Variants in DERL2 observed in about 807,000 individuals in gnomAD.
The protein encoded by DERL2 is derlin 2.
In DERL2, 13 loss-of-function variants were observed where a neutral mutation model predicts 32.0. That is an observed-to-expected ratio of 0.41 (90% CI 0.26 to 0.65). The LOEUF is 0.65. Ranked by LOEUF, DERL2 falls within the 30% of genes least tolerant of loss-of-function variation. DERL2 has a pLI of 0.35. For missense variants in DERL2, 208 were observed against 296.3 expected (o/e 0.70, Z 2.19); for synonymous variants, 111 against 104.7 (o/e 1.06, Z -0.37).
chr17:5,478,851 A>G (rs1356175242), intron 6 of DERL2, among the ~76,000 whole-genome samples: 1 of 152,298 alleles, frequency 6.6e-6, no homozygotes, highest in East Asian at 1.9e-4. Context: ...ACAGGGTGCC[A>G]CTCTGTCCCC....
chr17:5,472,194 T>C lies in DERL2; in HGVS notation c.*2490A>G, dbSNP rs1467639315. 1 of 152,232 alleles carries C rather than the reference T, an allele frequency of 6.6e-6. No individual in the cohort carries two copies. The highest frequency in any genetic ancestry group is 1.5e-5 in the Non-Finnish European group (1 of 68,058). The allele number at this position is 152,232 out of a possible 1,614,324, so 9.4% of individuals were successfully genotyped here. ...CAAAAAACACTATGCTTTAGTCAAG[T>C]GTGCTTTTCAGTATCACTAGAAGAA... On this transcript the variant is annotated 3_prime_UTR_variant, in exon 7 of 7. Transcript: ENST00000158771.
Position 5,474,650 on chromosome 17 carries a change from T to C in DERL2, c.*34A>G. 3.3e-6 allele frequency: 5 copies of C among 1,537,774 alleles called. No homozygotes were observed. Among genetic ancestry groups the C allele is most frequent in the Non-Finnish European group, 3.6e-6 (4 of 1,122,612 alleles). ...GATCCCAGTGGGTATCACCGAGTCC[T>C]TCCCAGCTGGGTCTCATTATTGGCA... On this transcript the variant is annotated 3_prime_UTR_variant, in exon 7 of 7. Coordinates refer to ENST00000158771, the MANE Select transcript of DERL2 (RefSeq NM_016041.5). The surrounding 1 kb of genome is among the most constrained non-coding windows in gnomAD (Gnocchi z 4.3).
In DERL2 at chr17:5,485,144, C is replaced by T. The variant is rs1474839810; in HGVS notation, c.159+7G>A. On this transcript the variant is annotated splice_region_variant and intron_variant, in intron 2 of 6. Transcript: ENST00000158771. The stretch of plus-strand genomic sequence containing the variant: ...AGCATTAATCACTATTGTGATGAAC[C>T]ACTTACTTGAAAGTGTTTAAAGATT... 1 of 1,560,186 alleles carries T rather than the reference C, an allele frequency of 6.4e-7. No homozygotes were observed. Among genetic ancestry groups the T allele is most frequent in the East Asian group, 2.3e-5 (1 of 43,604 alleles).
Position 5,472,787 on chromosome 17 carries a change from A to C in DERL2, c.*1897T>G, listed in dbSNP as rs1026345683. 1.2e-4 allele frequency: 19 copies of C among 152,150 alleles called. No homozygotes were observed. The South Asian group carries it at 2.1e-3, about 17-fold the overall frequency. The allele number at this position is 152,150 out of a possible 1,614,324, so 9.4% of individuals were successfully genotyped here. The stretch of plus-strand genomic sequence containing the variant: ...CCCAAAAACAATTTAAAAAAAAAAA[A>C]CAAAAAACAAAATTCTAACAAACGT... On this transcript the variant is annotated 3_prime_UTR_variant, in exon 7 of 7. Transcript: ENST00000158771.
At chr17:5,477,042 A>C (rs2151701301) in intron 6 of DERL2, among the ~76,000 whole-genome samples, 1 of 152,284 alleles carries the variant, frequency 6.6e-6, no homozygotes, top group South Asian at 2.1e-4. Flanking sequence ...ATCCCGAAAG[A>C]CTGGTTACAT....
chr17:5,486,282 A>T (rs1464943797), upstream of DERL2: 1 of 714,032 alleles, frequency 1.4e-6, no homozygotes, highest in African/African-American at 1.9e-5. Context: ...CGACTGCCCA[A>T]TCAACGCCAA....
chr17:5,481,247 G>A lies in DERL2; in HGVS notation c.327+49C>T, dbSNP rs1317788794. 4 of 1,337,262 alleles carry A rather than the reference G, an allele frequency of 3.0e-6. No homozygotes were observed. The African/African-American group carries it at 4.3e-5, about 14-fold the overall frequency. 82.8% of individuals were successfully genotyped at this position (1,337,262 alleles called of 1,614,324 possible). Reference sequence around the variant, plus strand: ...GGAGACAGATGACAAGCTTTAGGAAGAGCCAGGGTGTTCTTCAACATTTTC... The same window carrying A: ...GGAGACAGATGACAAGCTTTAGGAAAAGCCAGGGTGTTCTTCAACATTTTC... On this transcript the variant is annotated intron_variant, in intron 4 of 6. Transcript: ENST00000158771. This position sits in a 1 kb window ranked among gnomAD's most constrained non-coding sequence, Gnocchi z 4.4.
Position 5,481,274 on chromosome 17 carries a change from CG to C in DERL2, c.327+21del, listed in dbSNP as rs1567612359. ...GCCAGGGTGTTCTTCAACATTTTCC[CG>C]TGTTGTTTGTTGAAGGATACGGTCA... is the stretch of plus-strand genomic sequence containing the variant. On this transcript the variant is annotated intron_variant, in intron 4 of 6. Transcript: ENST00000158771. The surrounding 1 kb of genome is among the most constrained non-coding windows in gnomAD (Gnocchi z 4.4). 6.4e-7 allele frequency: 1 copy of C among 1,556,216 alleles called. No individual in the cohort carries two copies. Among genetic ancestry groups the C allele is most frequent in the South Asian group, 1.1e-5 (1 of 89,830 alleles).
chr17:5,486,356 GCC>G (rs150601778), upstream of DERL2: 248 of 380,098 alleles, frequency 6.5e-4, 2 homozygotes, highest in South Asian at 4.1e-3. Flanking sequence ...CGTCGCCACC[GCC>G]CCCCCCCAGC....
intron 6 of DERL2, among the ~76,000 whole-genome samples, chr17:5,476,191 C>T (rs181527489): frequency 2.1e-3 from 315 of 152,188 alleles, no homozygotes; most frequent in Non-Finnish European, 3.2e-3. Context: ...AATTCAAAAC[C>T]TCACTAAAGA....
At chr17:5,486,240 C>T (rs1236931578), upstream of DERL2, 5 of 1,152,380 alleles carry the variant, frequency 4.3e-6, no homozygotes, top group Non-Finnish European at 5.9e-6. Context: ...CGGGGCGGGC[C>T]CAAAGGCCCC....
chr17:5,485,284 T>C, intron 1 of DERL2, 68 bp from the exon 2 acceptor site: 2 of 1,151,226 alleles, frequency 1.7e-6, no homozygotes, highest in Non-Finnish European at 1.3e-6. Flanking sequence ...AACAAAGAAT[T>C]AGTAGGTCTA....
At chr17:5,480,969 A>G (rs2151705786) in intron 4 of DERL2, 1 of 550,408 alleles carries the variant, frequency 1.8e-6, no homozygotes, top group Non-Finnish European at 3.2e-6. Context: ...TATTGTATAG[A>G]TGAAAATTCT....
chr17:5,484,082 A>G (rs1370843122), intron 2 of DERL2, among the ~76,000 whole-genome samples: 1 of 152,240 alleles, frequency 6.6e-6, no homozygotes. Context: ...GGTTACACAA[A>G]AGCTGCGTTT....
rs1000144265 is a variant in DERL2, at chr17:5,481,663, CTTTT to C, written c.234-278_234-275del. The stretch of plus-strand genomic sequence containing the variant: ...CAGTCCCCTATTCTTTTTTTTTTTT[CTTTT>C]GAGACAGAGTCTCGCTCTGTCACCT... On this transcript the variant is annotated intron_variant, in intron 3 of 6. Coordinates refer to ENST00000158771, the MANE Select transcript of DERL2 (RefSeq NM_016041.5). The surrounding 1 kb of genome is among the most constrained non-coding windows in gnomAD (Gnocchi z 4.4). Among the ~76,000 whole-genome samples, 3 of 142,270 alleles carry C rather than the reference CTTTT, an allele frequency of 2.1e-5. No individual in the cohort carries two copies. The highest frequency in any genetic ancestry group is 7.8e-5 in the African/African-American group (3 of 38,546). The allele number at this position is 142,270 out of a possible 152,430, so 93.3% of individuals were successfully genotyped here. A position where few individuals can be genotyped will look rare whatever the true frequency, so the allele number is the denominator to read the frequency against.
At chr17:5,479,139 T>G (rs1371913780) in intron 6 of DERL2, among the ~76,000 whole-genome samples, 1 of 152,128 alleles carries the variant, frequency 6.6e-6, no homozygotes, top group African/African-American at 2.4e-5. Context: ...GTGGCTATGT[T>G]AAAGGCCTAG....
rs1215947860 is a variant in DERL2 at position 5,481,186 on chromosome 17, T to G, written c.327+110A>C. The stretch of plus-strand genomic sequence containing the variant: ...CACAGAAAATGTGCTGTAAAATAAA[T>G]GATAGTGCCCTGAAGCTAAGATCTA... On this transcript the variant is annotated intron_variant, in intron 4 of 6. Coordinates refer to ENST00000158771, the MANE Select transcript of DERL2 (RefSeq NM_016041.5). The surrounding 1 kb of genome is among the most constrained non-coding windows in gnomAD (Gnocchi z 4.4). 2.4e-6 allele frequency: 2 copies of G among 819,856 alleles called. No homozygotes were observed. The highest frequency in any genetic ancestry group is 4.1e-6 in the Non-Finnish European group (2 of 485,256). 50.8% of individuals were successfully genotyped at this position (819,856 alleles called of 1,614,324 possible). A position where few individuals can be genotyped will look rare whatever the true frequency, so the allele number is the denominator to read the frequency against.
chr17:5,484,618 G>C (rs1353796302), intron 2 of DERL2, among the ~76,000 whole-genome samples: 3 of 152,234 alleles, frequency 2.0e-5, no homozygotes, highest in Admixed American at 6.5e-5. Context: ...TATAGCTTTA[G>C]ATGTTTGGAA....
At chr17:5,483,801 C>G (rs915143019) in intron 2 of DERL2, among the ~76,000 whole-genome samples, 2 of 152,124 alleles carry the variant, frequency 1.3e-5, no homozygotes, top group Admixed American at 6.5e-5. Flanking sequence ...TAACCCCAGG[C>G]AGAGTAAAGC....
Sources: allele counts gnomAD v4.1 joint callset (sites outside exome capture counted in the v4.1 genomes callset), GRCh38; gene constraint gnomAD v4.1.1; non-coding constraint Gnocchi (gnomAD v3.1); transcripts MANE v1.5; gene names NCBI Gene and HGNC (gene_info 2026-07-23, HGNC 2026-07-21).